Variants in FBXO31 observed in about 807,000 individuals in gnomAD.
FBXO31 encodes the protein F-box only protein 31.
In FBXO31, 24 loss-of-function variants were observed where a neutral mutation model predicts 54.4. The ratio of observed to expected loss-of-function variants is 0.44; its 90% CI spans 0.32 to 0.62. The LOEUF (loss-of-function observed/expected upper bound fraction) is 0.62, where lower values mean the gene tolerates loss of function less well. Ranked by LOEUF, FBXO31 falls within the 20% of genes least tolerant of loss-of-function variation. The pLI is 0.05. For synonymous variants in FBXO31, 388 were observed against 335.6 expected, an observed-to-expected ratio of 1.16 and a Z score of -1.71; for missense variants, 665 against 787.1, an observed-to-expected ratio of 0.84 and a Z score of 1.86.
chr16:87,376,686 AC>A (rs1162378243), intron 1 of FBXO31, among the ~76,000 whole-genome samples: 2 of 152,000 alleles, frequency 1.3e-5, no homozygotes, highest in East Asian at 3.9e-4. Flanking sequence ...TCACTCACCA[AC>A]CCCCAAGACA....
At chr16:87,374,198 C>T (rs1022565403) in intron 1 of FBXO31, among the ~76,000 whole-genome samples, 2 of 151,324 alleles carry the variant, frequency 1.3e-5, no homozygotes, top group Admixed American at 1.3e-4. Context: ...GCCATGATCG[C>T]GCCACTACAC....
intron 1 of FBXO31, among the ~76,000 whole-genome samples, chr16:87,374,872 C>T (rs1391442793): frequency 1.3e-5 from 2 of 152,178 alleles, no homozygotes; most frequent in Admixed American, 1.3e-4. Flanking sequence ...AGGCAGACTT[C>T]ATGAAGTAGC....
chr16:87,344,434 G>C (rs1320164878), intron 3 of FBXO31, among the ~76,000 whole-genome samples: 1 of 152,200 alleles, frequency 6.6e-6, no homozygotes. Flanking sequence ...GCACGCTCTG[G>C]CCACAGCAGC....
chr16:87,369,885 A>T (rs942668972), intron 1 of FBXO31, among the ~76,000 whole-genome samples: 1 of 152,212 alleles, frequency 6.6e-6, no homozygotes, highest in Non-Finnish European at 1.5e-5. Flanking sequence ...CAAAAAAAAA[A>T]TGCTATTTAA....
Position 87,358,766 on chromosome 16 carries a change from C to A in FBXO31, c.412+1529G>T, listed in dbSNP as rs967471038. ...TTTCCATATTTGATCACACTCCTCC[C>A]GGGGCCAGCACACTCCCGGCAGGCC... On this transcript the variant is annotated intron_variant, in intron 2 of 8. Coordinates refer to ENST00000311635, the MANE Select transcript of FBXO31 (RefSeq NM_024735.5). This position sits in a 1 kb window ranked among gnomAD's most constrained non-coding sequence, Gnocchi z 4.0. Among the ~76,000 whole-genome samples, 1 of 152,168 alleles carries A rather than the reference C, an allele frequency of 6.6e-6. No individual in the cohort carries two copies. The highest frequency in any genetic ancestry group is 1.5e-5 in the Non-Finnish European group (1 of 68,036).
intron 1 of FBXO31, among the ~76,000 whole-genome samples, chr16:87,380,770 A>G (rs1442594291): frequency 6.6e-6 from 1 of 152,236 alleles, no homozygotes. Flanking sequence ...TGAGAACCGC[A>G]GCAGTGGGAA....
In FBXO31 at chr16:87,333,901, C is replaced by T. The variant is rs771135021; in HGVS notation, c.1382G>A (p.Arg461Gln). 19 of 1,604,720 alleles carry T rather than the reference C, an allele frequency of 1.2e-5. No individual in the cohort carries two copies. The highest frequency in any genetic ancestry group is 2.2e-5 in the East Asian group (1 of 44,720). Reference protein sequence around the residue: ...GVSSRNEDYPRTCRMCFYGTG... With the variant: ...GVSSRNEDYPQTCRMCFYGTG... ...GCATCCTTACCACATCCTGCAGGTT[C>T]GGGGGTAGTCCTCATTCCTGGAGCT... Residue 461 changes from arginine to glutamine, a missense_variant, in exon 8 of 9, where the codon CGA becomes CAA. By Grantham distance (43) the Arg-to-Gln change is conservative. This residue lies in a region of FBXO31 where 165 missense variants were observed against 159.7 expected (regional missense o/e 1.03). Transcript: ENST00000311635.
intron 1 of FBXO31, among the ~76,000 whole-genome samples, chr16:87,365,037 A>ATATATATATCTATC (rs1489132121): frequency 1.9e-5 from 2 of 106,888 alleles, no homozygotes; most frequent in African/African-American, 3.5e-5. Context: ...ATATATATAT[A>ATATATATATCTATC]TATCAGGCAG....
chr16:87,331,498 T>C lies in FBXO31; in HGVS notation c.1410A>G (p.Thr470=). 1 of 1,604,000 alleles carries C rather than the reference T, an allele frequency of 6.2e-7. No homozygotes were observed. The change falls in exon 9 of 9, where the codon ACA becomes ACG. Residue 470 remains threonine, a synonymous_variant. Coordinates refer to ENST00000311635, the MANE Select transcript of FBXO31 (RefSeq NM_024735.5). ...TGAAGCCGTGGCCCGCGATGAGGCC[T>C]GTGCCATAAAAACTGAGCAGAAACA... ...PRTCRMCFYG[T]GLIAGHGFTS...
chr16:87,336,493 C>A lies in FBXO31; in HGVS notation c.733-229G>T, dbSNP rs562448892. 1.3e-5 allele frequency among the ~76,000 whole-genome samples: 2 copies of A among 152,278 alleles called. No homozygotes were observed. Among genetic ancestry groups the A allele is most frequent in the East Asian group, 3.9e-4 (2 of 5,172 alleles). On this transcript the variant is annotated intron_variant, in intron 5 of 8. Transcript: ENST00000311635. The surrounding 1 kb of genome is among the most constrained non-coding windows in gnomAD (Gnocchi z 6.5). The stretch of plus-strand genomic sequence containing the variant: ...CAACAAAAAGTGAAGGTTCCGGGCC[C>A]TTGGTCTGCTGGGTCGGAGGCAGCA...
chr16:87,391,241 A>T (rs1907533729), upstream of FBXO31, among the ~76,000 whole-genome samples: 1 of 152,128 alleles, frequency 6.6e-6, no homozygotes, highest in Non-Finnish European at 1.5e-5. Context: ...CAGGCGACCG[A>T]GGCCGCCGCG....
chr16:87,363,792 T>C (rs576325383), intron 1 of FBXO31, among the ~76,000 whole-genome samples: 7 of 149,982 alleles, frequency 4.7e-5, no homozygotes, highest in Admixed American at 3.4e-4. Context: ...AAAAGGCAAA[T>C]GATAATAAAA....
Position 87,343,649 on chromosome 16 carries a change from G to C in FBXO31, c.606C>G (p.Ala202=), listed in dbSNP as rs754090312. Residue 202 remains alanine (A), a synonymous_variant, in exon 4 of 9, where the codon GCC becomes GCG. Transcript: ENST00000311635. Reference sequence around the variant, plus strand: ...TGTGGCCGTACATGCACTCCACTGTGGCAGCCTTCCTCTCCATCAGGTGGA... The same window carrying C: ...TGTGGCCGTACATGCACTCCACTGTCGCAGCCTTCCTCTCCATCAGGTGGA... The part of the protein sequence containing the change: ...FRIHLMERKA[A]TVECMYGHKG... 1 of 1,613,970 alleles carries C rather than the reference G, an allele frequency of 6.2e-7. No individual in the cohort carries two copies. Among genetic ancestry groups the C allele is most frequent in the South Asian group, 1.1e-5 (1 of 91,056 alleles).
chr16:87,349,389 C>G lies in FBXO31; in HGVS notation c.413-2139G>C, dbSNP rs560261663. Among the ~76,000 whole-genome samples the G allele has an allele frequency of 3.3e-3, 500 of 152,284 alleles. 2 individuals carry two copies. The highest frequency in any genetic ancestry group is 5.7e-3 in the Admixed American group (87 of 15,294). Reference sequence around the variant, plus strand: ...GCAGGGATTGTGGAACACGTTGGGGCAGAGAACAAAATGTCATGGGCCTGC... The same window carrying G: ...GCAGGGATTGTGGAACACGTTGGGGGAGAGAACAAAATGTCATGGGCCTGC... On this transcript the variant is annotated intron_variant, in intron 2 of 8. Transcript: ENST00000311635.
Position 87,383,283 on chromosome 16 carries a change from G to T in FBXO31, c.340+122C>A. ...CCCACACCCAAAACACCACATCGCC[G>T]GGCCCCGCGCCCAACTGGTGGCCCC... On this transcript the variant is annotated intron_variant, in intron 1 of 8. Transcript: ENST00000311635. The surrounding 1 kb of genome is among the most constrained non-coding windows in gnomAD (Gnocchi z 4.9). The T allele has an allele frequency of 1.1e-6, 1 of 929,904 alleles. No individual in the cohort carries two copies. Among genetic ancestry groups the T allele is most frequent in the Non-Finnish European group, 1.5e-6 (1 of 658,998 alleles). The allele number at this position is 929,904 out of a possible 1,614,324, so 57.6% of individuals were successfully genotyped here.
intron 2 of FBXO31, among the ~76,000 whole-genome samples, chr16:87,348,367 CACT>C (rs1347359859): frequency 2.0e-5 from 3 of 152,254 alleles, no homozygotes; most frequent in African/African-American, 4.8e-5. Context: ...ACTTCACCAC[CACT>C]GTTAGTTCCC....
At chr16:87,349,870 C>G (rs1475520990) in intron 2 of FBXO31, among the ~76,000 whole-genome samples, 1 of 151,194 alleles carries the variant, frequency 6.6e-6, no homozygotes, top group Admixed American at 6.6e-5. Flanking sequence ...GATCGTGCCA[C>G]TGCACTCCAG....
At chr16:87,352,041 G>C (rs1905685135) in intron 2 of FBXO31, among the ~76,000 whole-genome samples, 1 of 152,204 alleles carries the variant, frequency 6.6e-6, no homozygotes, top group Non-Finnish European at 1.5e-5. Context: ...GGTGGGGTGG[G>C]GGGCCCCTGT....
chr16:87,334,206 G>A lies in FBXO31; in HGVS notation c.1077C>T (p.Asn359=), dbSNP rs1052769414. Residue 359 remains asparagine (N), a synonymous_variant, in exon 8 of 9, where the codon AAC becomes AAT. Transcript: ENST00000311635. Reference sequence around the variant, plus strand: ...GGGAGAGCTCATTGAAGTTGCGCTGGTTCTCGAGGTCGGGCAGCTGGATCC... The same window carrying A: ...GGGAGAGCTCATTGAAGTTGCGCTGATTCTCGAGGTCGGGCAGCTGGATCC... ...RHRIQLPDLE[N]QRNFNELSRI... is the part of the protein sequence containing the mutation. The A allele has an allele frequency of 1.9e-6, 3 of 1,612,370 alleles. No homozygotes were observed. The highest frequency in any genetic ancestry group is 1.3e-5 in the African/African-American group (1 of 74,912).
Sources: gnomAD v4.1 joint callset for allele counts (sites outside exome capture counted in the v4.1 genomes callset) on GRCh38, gnomAD v4.1.1 for gene constraint, gnomAD v4.1.1 regional missense constraint, Gnocchi (gnomAD v3.1) non-coding constraint, MANE v1.5 for transcripts, NCBI Gene and HGNC (gene_info 2026-07-23, HGNC 2026-07-21) for gene names.